EHBP1: variants seen among roughly 807,000 people sequenced by gnomAD.
EHBP1 encodes EH domain-binding protein 1.
In EHBP1, 55 loss-of-function variants were observed where a neutral mutation model predicts 144.0. The observed-to-expected ratio is 0.38, with a 90% CI of 0.31 to 0.48. EHBP1 has a LOEUF of 0.48. Among genes scored for constraint, EHBP1 ranks in the 20% least tolerant of loss-of-function variants. The pLI, the probability that EHBP1 is intolerant of heterozygous loss-of-function variation, is 0.98. For synonymous variants in EHBP1, 469 were observed against 472.7 expected (o/e 0.99, Z 0.10); for missense variants, 1,200 against 1,364.2 (o/e 0.88, Z 1.90).
chr2:62,768,498 C>T lies in EHBP1; in HGVS notation c.259-2841C>T, dbSNP rs550053109. On this transcript the variant is annotated intron_variant, in intron 4 of 22. Transcript: ENST00000431489. ...TTGATTCCCTGAAAGGGACCAATAA[C>T]GAGCTTCAAAATTGAATCAGTAATA... is the stretch of plus-strand genomic sequence containing the variant. Among the ~76,000 whole-genome samples the T allele has an allele frequency of 2.6e-5, 4 of 152,220 alleles. No individual in the cohort carries two copies. The South Asian group carries it at 8.3e-4, about 32-fold the overall frequency.
chr2:63,013,728 G>T (rs937023961), intron 19 of EHBP1, among the ~76,000 whole-genome samples: 1 of 152,106 alleles, frequency 6.6e-6, no homozygotes, highest in African/African-American at 2.4e-5. Context: ...TGAGAATTTC[G>T]AATGCTTTTT....
chr2:62,964,276 T>A (rs2058136369), intron 14 of EHBP1, among the ~76,000 whole-genome samples: 2 of 152,150 alleles, frequency 1.3e-5, no homozygotes, highest in African/African-American at 4.8e-5. Context: ...CATGAATGCA[T>A]GAAGCTAGGG....
rs560109472 is a variant in EHBP1 at position 62,908,164 on chromosome 2, G to A, written c.1185+33632G>A. 3.3e-5 allele frequency among the ~76,000 whole-genome samples: 5 copies of A among 152,236 alleles called. No homozygotes were observed. The South Asian group carries it at 1.0e-3, about 32-fold the overall frequency. On this transcript the variant is annotated intron_variant, in intron 10 of 22. Coordinates refer to ENST00000431489, the MANE Select transcript of EHBP1 (RefSeq NM_001142616.3). The stretch of plus-strand genomic sequence containing the variant: ...GTATTTAGGTAATTTTTGTGTGTGT[G>A]AAAGAACTTTGGTAGTTTAAATCTT...
At chr2:62,828,193 T>A (rs2046484842) in intron 6 of EHBP1, among the ~76,000 whole-genome samples, 1 of 152,338 alleles carries the variant, frequency 6.6e-6, no homozygotes, top group East Asian at 1.9e-4. Flanking sequence ...CATACTATAT[T>A]TAGAAGATAA....
At chr2:62,813,217 G>A (rs2045165103) in intron 5 of EHBP1, among the ~76,000 whole-genome samples, 1 of 152,222 alleles carries the variant, frequency 6.6e-6, no homozygotes, top group Admixed American at 6.5e-5. Flanking sequence ...TGTGGTTCAA[G>A]CAGGCCAAGG....
chr2:62,691,378 T>C (rs2033899561), intron 1 of EHBP1, among the ~76,000 whole-genome samples: 1 of 152,040 alleles, frequency 6.6e-6, no homozygotes, highest in Non-Finnish European at 1.5e-5. Context: ...CTGTATCCCG[T>C]CAACAGAAAG....
intron 7 of EHBP1, among the ~76,000 whole-genome samples, chr2:62,842,508 A>G (rs2047981186): frequency 6.6e-6 from 1 of 152,154 alleles, no homozygotes; most frequent in Non-Finnish European, 1.5e-5. Context: ...CAACATAGGA[A>G]TTTTGGGGGG....
chr2:62,818,433 A>T (rs1213908481), intron 5 of EHBP1, among the ~76,000 whole-genome samples: 1 of 152,088 alleles, frequency 6.6e-6, no homozygotes, highest in Non-Finnish European at 1.5e-5. Flanking sequence ...CATGCTGTAC[A>T]GGTTTGTAGC....
intron 5 of EHBP1, among the ~76,000 whole-genome samples, chr2:62,817,889 T>C (rs1301286728): frequency 1.3e-5 from 2 of 152,098 alleles, no homozygotes; most frequent in Non-Finnish European, 2.9e-5. Context: ...TCGTGCACTT[T>C]AGTAAAATAT....
intron 19 of EHBP1, among the ~76,000 whole-genome samples, chr2:63,016,210 A>G (rs1389135789): frequency 6.6e-6 from 1 of 152,294 alleles, no homozygotes; most frequent in East Asian, 1.9e-4. Context: ...AGTTGATAGT[A>G]TTGTTCCTTT....
At chr2:62,958,316 T>C (rs1240530416) in intron 14 of EHBP1, among the ~76,000 whole-genome samples, 2 of 152,180 alleles carry the variant, frequency 1.3e-5, no homozygotes, top group Non-Finnish European at 2.9e-5. Context: ...AAAATTTAAA[T>C]GTCCATCACC....
intron 19 of EHBP1, among the ~76,000 whole-genome samples, chr2:63,020,108 G>A (rs1311763040): frequency 6.6e-6 from 1 of 151,932 alleles, no homozygotes; most frequent in South Asian, 2.1e-4. Context: ...AGCAGATCAC[G>A]AGGTCAGGAG....
intron 10 of EHBP1, among the ~76,000 whole-genome samples, chr2:62,876,068 T>C (rs1470470015): frequency 6.6e-6 from 1 of 152,214 alleles, no homozygotes; most frequent in Non-Finnish European, 1.5e-5. Context: ...TTCAAGGATA[T>C]TGTCCATGAA....
At chr2:62,721,960 A>G (rs866232159) in intron 2 of EHBP1, among the ~76,000 whole-genome samples, 1 of 152,152 alleles carries the variant, frequency 6.6e-6, no homozygotes, top group Admixed American at 6.5e-5. Flanking sequence ...CAAATAATTC[A>G]CATATACATT....
intron 2 of EHBP1, among the ~76,000 whole-genome samples, chr2:62,744,351 A>G (rs1397305729): frequency 6.6e-6 from 1 of 152,206 alleles, no homozygotes; most frequent in African/African-American, 2.4e-5. Flanking sequence ...GAAAACGCTC[A>G]TAACTGTCCT....
chr2:62,710,906 A>C (rs1322466762), intron 2 of EHBP1, among the ~76,000 whole-genome samples: 1 of 152,204 alleles, frequency 6.6e-6, no homozygotes, highest in Non-Finnish European at 1.5e-5. Flanking sequence ...TGGCTTAAGC[A>C]AGCATTTCTC....
At position 62,988,111 on chromosome 2, in the gene EHBP1, CAAT is replaced by C. The variant is rs562294784; in HGVS notation, c.2609-2592_2609-2590del. ...TATGGTTATATTTTTATTATCTCAT[CAAT>C]AATAATAATAATTTTGTAGTTTTAT... On this transcript the variant is annotated intron_variant, in intron 15 of 22. Transcript: ENST00000431489. 697 of 810,344 alleles carry C rather than the reference CAAT, an allele frequency of 8.6e-4. 4 individuals carry two copies. The East Asian group carries it at 0.017, about 19-fold the overall frequency. The allele number at this position is 810,344 out of a possible 1,614,324, so 50.2% of individuals were successfully genotyped here.
chr2:62,912,220 A>G (rs1194883170), intron 10 of EHBP1, among the ~76,000 whole-genome samples: 2 of 152,138 alleles, frequency 1.3e-5, no homozygotes, highest in African/African-American at 2.4e-5. Flanking sequence ...TTTTCCTATG[A>G]TATTCAATAG....
upstream of EHBP1, among the ~76,000 whole-genome samples, chr2:62,702,780 C>T (rs1237434994): frequency 2.0e-5 from 3 of 152,254 alleles, no homozygotes; most frequent in South Asian, 2.1e-4. Flanking sequence ...TTTATGTTTG[C>T]TACCAAACAC....
Sources: gnomAD v4.1 joint callset for allele counts (sites outside exome capture counted in the v4.1 genomes callset) on GRCh38, gnomAD v4.1.1 for gene constraint, MANE v1.5 for transcripts, NCBI Gene and HGNC (gene_info 2026-07-23, HGNC 2026-07-21) for gene names.